TP63: variants seen among roughly 807,000 people sequenced by gnomAD.
The protein encoded by TP63 is tumor protein p63.
A neutral mutation model predicts 82.8 loss-of-function variants in TP63; 17 were observed. The ratio of observed to expected loss-of-function variants is 0.21; its 90% CI spans 0.14 to 0.31. The LOEUF is 0.31. Among genes scored for constraint, TP63 ranks in the 10% least tolerant of loss-of-function variants. The pLI is 1.00. For missense variants in TP63, 648 were observed against 895.3 expected, an observed-to-expected ratio of 0.72 and a Z score of 3.52; for synonymous variants, 330 against 321.7, an observed-to-expected ratio of 1.03 and a Z score of -0.28.
chr3:189,733,553 G>A (rs929934783), intron 1 of TP63, among the ~76,000 whole-genome samples: 1 of 152,114 alleles, frequency 6.6e-6, no homozygotes, highest in Non-Finnish European at 1.5e-5. Flanking sequence ...TGTCCTTATG[G>A]GTCCGTGTAT....
intron 4 of TP63, among the ~76,000 whole-genome samples, chr3:189,840,362 T>TTTTTTTTTTTTTTTTTTTTTTTTTA (rs1713862444): frequency 1.1e-5 from 1 of 92,936 alleles, no homozygotes; most frequent in Admixed American, 1.2e-4. Context: ...TTTTCGTCTT[T>TTTTTTTTTTTTTTTTTTTTTTTTTA]TTTTTTTTTT....
At chr3:189,673,379 G>T (rs78031409) in intron 1 of TP63, among the ~76,000 whole-genome samples, 1 of 152,000 alleles carries the variant, frequency 6.6e-6, no homozygotes, top group Non-Finnish European at 1.5e-5. Flanking sequence ...TATTATTCTA[G>T]AGGCTCCAGT....
At chr3:189,752,254 G>A (rs1721875557) in intron 3 of TP63, among the ~76,000 whole-genome samples, 4 of 151,984 alleles carry the variant, frequency 2.6e-5, no homozygotes, top group Admixed American at 2.6e-4. Flanking sequence ...GCTCACTGCG[G>A]CCTCAACCTC....
chr3:189,872,826 T>C, intron 9 of TP63, 33 bp from the exon 10 acceptor site: 1 of 1,614,068 alleles, frequency 6.2e-7, no homozygotes, highest in South Asian at 1.1e-5. Flanking sequence ...CAGCTTTTCA[T>C]GTTTCCTTCT....
chr3:189,880,308 C>T (rs1228332379), intron 10 of TP63: 9 of 1,336,812 alleles, frequency 6.7e-6, no homozygotes, highest in Non-Finnish European at 8.7e-6. Flanking sequence ...GGCTCAGAGA[C>T]CCAACTGCTC....
At chr3:189,749,953 C>G (rs1021584192) in intron 3 of TP63, among the ~76,000 whole-genome samples, 4 of 151,912 alleles carry the variant, frequency 2.6e-5, no homozygotes, top group African/African-American at 9.7e-5. Flanking sequence ...GAAACCCCGT[C>G]TCTACTAAAA....
chr3:189,844,086 C>T (rs1366127510), intron 4 of TP63: 2 of 217,918 alleles, frequency 9.2e-6, no homozygotes, highest in East Asian at 1.6e-4. Flanking sequence ...TTTGGTAGTT[C>T]GGGACACTGA....
chr3:189,658,601 T>G (rs4513433), intron 1 of TP63, among the ~76,000 whole-genome samples: 136,531 of 151,972 alleles, frequency 0.9, 62,648 homozygotes, highest in Non-Finnish European at 0.98. Context: ...ATAACGCTAA[T>G]TCTAATCATG....
At chr3:189,844,125 T>A (rs943078027) in intron 4 of TP63, 2 of 321,792 alleles carry the variant, frequency 6.2e-6, no homozygotes, top group Non-Finnish European at 6.3e-6. Context: ...CTGATGTTTA[T>A]TAGGATGGAT....
intron 3 of TP63, among the ~76,000 whole-genome samples, chr3:189,739,445 TC>T (rs1434660061): frequency 2.0e-5 from 3 of 152,204 alleles, no homozygotes; most frequent in Non-Finnish European, 4.4e-5. Flanking sequence ...CTGAATCCTA[TC>T]CAGGGCACTT....
At chr3:189,840,752 G>GGA (rs779354924) in intron 4 of TP63, among the ~76,000 whole-genome samples, 7 of 151,308 alleles carry the variant, frequency 4.6e-5, no homozygotes, top group South Asian at 4.2e-4. Context: ...CAGCTACTCG[G>GGA]GAGCCTGAGG....
chr3:189,873,354 C>T (rs552007091), intron 10 of TP63: 5 of 339,548 alleles, frequency 1.5e-5, no homozygotes, highest in South Asian at 2.7e-5. Flanking sequence ...AATCTTTTCT[C>T]ATCCCAATGG....
At chr3:189,777,180 C>T (rs528814805) in intron 3 of TP63, among the ~76,000 whole-genome samples, 1 of 151,770 alleles carries the variant, frequency 6.6e-6, no homozygotes, top group African/African-American at 2.4e-5. Context: ...CTAACTCACC[C>T]TGTTATTTTT....
At chr3:189,867,997 A>C in intron 7 of TP63, 55 bp downstream of exon 7, 1 of 1,440,864 alleles carries the variant, frequency 6.9e-7, no homozygotes, top group Non-Finnish European at 9.7e-7. Flanking sequence ...AGCAGAGGGC[A>C]AAGTGAAATC....
intron 1 of TP63, among the ~76,000 whole-genome samples, chr3:189,699,979 T>C (rs1717679324): frequency 6.6e-6 from 1 of 152,166 alleles, no homozygotes. Flanking sequence ...AAAAGAGTTA[T>C]GTGCGCTGAT....
chr3:189,792,362 G>A (rs992457844), intron 3 of TP63, among the ~76,000 whole-genome samples: 114 of 152,114 alleles, frequency 7.5e-4, no homozygotes, highest in African/African-American at 2.7e-3. Flanking sequence ...GAGATAGAGA[G>A]GGTCAAAATA....
At position 189,678,675 on chromosome 3, in the gene TP63, C is replaced by T. The variant is rs141703275; in HGVS notation, c.62+47098C>T. 5.1e-3 allele frequency among the ~76,000 whole-genome samples: 778 copies of T among 151,834 alleles called. 9 individuals are homozygous for T. The highest frequency in any genetic ancestry group is 0.017 in the African/African-American group (720 of 41,458). On this transcript the variant is annotated intron_variant, in intron 1 of 13. Coordinates refer to ENST00000264731, the MANE Select transcript of TP63 (RefSeq NM_003722.5). ...ATTCAATCTGTAGATTGTTTTGGGC[C>T]GTATGGTCATATCAATGATATTGAT...
intron 1 of TP63, among the ~76,000 whole-genome samples, chr3:189,670,326 C>G (rs530005148): frequency 6.6e-6 from 1 of 151,946 alleles, no homozygotes; most frequent in Non-Finnish European, 1.5e-5. Context: ...TTGAACCAAT[C>G]GATATTTGTA....
At chr3:189,616,712 T>A in the TP63 span, among the ~76,000 whole-genome samples, 1 of 152,196 alleles carries the variant, frequency 6.6e-6, no homozygotes, top group Admixed American at 6.5e-5. Context: ...ACTGAAATAA[T>A]CCAGCTCATG....
Sources: gnomAD v4.1 joint callset for allele counts (sites outside exome capture counted in the v4.1 genomes callset) on GRCh38, gnomAD v4.1.1 for gene constraint, MANE v1.5 for transcripts, NCBI Gene and HGNC (gene_info 2026-07-23, HGNC 2026-07-21) for gene names.